Variants in DNAJC3 observed in about 807,000 individuals in gnomAD.
The protein encoded by DNAJC3 is DnaJ heat shock protein family (Hsp40) member C3.
In DNAJC3, 38 loss-of-function variants were observed where a neutral mutation model predicts 68.6. The observed-to-expected ratio is 0.55, with a 90% confidence interval of 0.43 to 0.73. The LOEUF is 0.73. Ranked by LOEUF, DNAJC3 falls within the 30% of genes least tolerant of loss-of-function variation. The pLI, the probability that DNAJC3 is intolerant of heterozygous loss-of-function variation, is 0.00. For synonymous variants in DNAJC3, 203 were observed against 204.0 expected (o/e 1.00, Z 0.04); for missense variants, 526 against 591.9 (o/e 0.89, Z 1.16).
chr13:95,752,842 A>G (rs1882522998), intron 4 of DNAJC3, among the ~76,000 whole-genome samples: 1 of 152,150 alleles, frequency 6.6e-6, no homozygotes, highest in Admixed American at 6.5e-5. Context: ...TACTACTTTA[A>G]GGTTATGGGT....
intron 1 of DNAJC3, among the ~76,000 whole-genome samples, chr13:95,691,048 G>A (rs1377113605): frequency 2.2e-5 from 3 of 136,026 alleles, no homozygotes; most frequent in Admixed American, 7.4e-5. Flanking sequence ...TGGATGGAGC[G>A]GCTGGCCGGG....
chr13:95,747,440 G>T (rs979962941), intron 4 of DNAJC3, among the ~76,000 whole-genome samples: 1 of 152,128 alleles, frequency 6.6e-6, no homozygotes, highest in African/African-American at 2.4e-5. Flanking sequence ...GACCATCCAG[G>T]GCAAAGGTGA....
At chr13:95,770,203 CTG>C (rs745481466) in intron 9 of DNAJC3, among the ~76,000 whole-genome samples, 20 of 151,784 alleles carry the variant, frequency 1.3e-4, no homozygotes, top group African/African-American at 1.9e-4. Context: ...ATTGACAAGA[CTG>C]TAATTTCCTA....
At chr13:95,790,769 G>C in intron 11 of DNAJC3, 104 bp from the exon 12 acceptor site, 1 of 1,313,914 alleles carries the variant, frequency 7.6e-7, no homozygotes, top group South Asian at 1.4e-5. Context: ...CGAAAAGTAA[G>C]TAGCTCCTCA....
chr13:95,746,588 C>T (rs1882314114), intron 4 of DNAJC3, among the ~76,000 whole-genome samples: 1 of 152,104 alleles, frequency 6.6e-6, no homozygotes, highest in Non-Finnish European at 1.5e-5. Context: ...TTACCAATTA[C>T]AGGATTCTTA....
chr13:95,767,893 T>C (rs1485001533), intron 9 of DNAJC3, among the ~76,000 whole-genome samples: 13 of 150,926 alleles, frequency 8.6e-5, no homozygotes, highest in Non-Finnish European at 1.3e-4. Context: ...TTAGTAGAGA[T>C]AGGGTTTCAC....
chr13:95,708,112 C>G (rs1001812733), intron 1 of DNAJC3, among the ~76,000 whole-genome samples: 5 of 152,098 alleles, frequency 3.3e-5, no homozygotes, highest in Non-Finnish European at 7.4e-5. Flanking sequence ...GAAGTCCACC[C>G]CATGACAGAC....
At chr13:95,777,693 G>A (rs1197035147) in intron 9 of DNAJC3, among the ~76,000 whole-genome samples, 1 of 152,022 alleles carries the variant, frequency 6.6e-6, no homozygotes, top group Non-Finnish European at 1.5e-5. Flanking sequence ...TGACAGAATT[G>A]AAGCAAAAAA....
rs1483766249 is a variant in DNAJC3, at chr13:95,787,593, CCTG to C, written c.1357+441_1357+443del. ...AGAAGAACAGCTGTCTGGCCTAGGG[CCTG>C]CTTTGCCCCATATGTGTTCACCAGG... On this transcript the variant is annotated intron_variant, in intron 11 of 11. Transcript: ENST00000602402. Among the ~76,000 whole-genome samples the C allele has an allele frequency of 3.9e-5, 6 of 151,950 alleles. No homozygotes were observed. The East Asian group carries it at 1.2e-3, about 29-fold the overall frequency.
intron 4 of DNAJC3, among the ~76,000 whole-genome samples, chr13:95,729,189 CTCTCTCTCTCTCTT>C (rs1273054773): frequency 1.3e-5 from 2 of 150,718 alleles, no homozygotes; most frequent in African/African-American, 2.4e-5. Flanking sequence ...CATTCTCTCT[CTCTCTCTCTCTCTT>C]TCTCTCTCTC....
chr13:95,723,436 G>T, intron 3 of DNAJC3, 70 bp downstream of exon 3: 1 of 1,526,078 alleles, frequency 6.6e-7, no homozygotes, highest in African/African-American at 1.4e-5. Context: ...TGTTTCATAA[G>T]GTGAGGACTG....
intron 4 of DNAJC3, among the ~76,000 whole-genome samples, chr13:95,736,315 G>C (rs1347656756): frequency 6.6e-6 from 1 of 151,638 alleles, no homozygotes; most frequent in African/African-American, 2.4e-5. Context: ...GCTCTTTTTT[G>C]GTTCCATATG....
chr13:95,681,640 C>A (rs2139595709), intron 1 of DNAJC3, among the ~76,000 whole-genome samples: 1 of 152,348 alleles, frequency 6.6e-6, no homozygotes, highest in South Asian at 2.1e-4. Context: ...AGGCACGAGC[C>A]AATGCACCTG....
At chr13:95,692,498 T>C (rs866653515) in intron 1 of DNAJC3, 1 of 152,120 alleles carries the variant, frequency 6.6e-6, no homozygotes, top group South Asian at 2.1e-4. Flanking sequence ...ATATTCTTGT[T>C]GTATTGAATC....
chr13:95,762,274 T>C (rs187020949), intron 7 of DNAJC3, among the ~76,000 whole-genome samples: 131 of 150,692 alleles, frequency 8.7e-4, no homozygotes, highest in Admixed American at 2.4e-3. Context: ...AAAAAAAATG[T>C]TTTCTGTTTG....
At chr13:95,728,587 T>A (rs1193019139) in intron 4 of DNAJC3, among the ~76,000 whole-genome samples, 1 of 152,226 alleles carries the variant, frequency 6.6e-6, no homozygotes, top group Non-Finnish European at 1.5e-5. Context: ...GGATATGTAG[T>A]TTACAAATAT....
chr13:95,758,092 AT>A (rs1427629423), intron 5 of DNAJC3, among the ~76,000 whole-genome samples: 1 of 152,202 alleles, frequency 6.6e-6, no homozygotes, highest in Non-Finnish European at 1.5e-5. Context: ...CGGTTAGATA[AT>A]GGGATAAAAG....
intron 1 of DNAJC3, among the ~76,000 whole-genome samples, chr13:95,683,245 T>C (rs1879972805): frequency 1.3e-5 from 2 of 152,186 alleles, no homozygotes; most frequent in Admixed American, 6.5e-5. Flanking sequence ...AGATTCAAGA[T>C]ATACATGTGC....
At chr13:95,720,980 G>T (rs1032102900) in intron 2 of DNAJC3, among the ~76,000 whole-genome samples, 3 of 151,762 alleles carry the variant, frequency 2.0e-5, no homozygotes, top group Admixed American at 6.6e-5. Context: ...ACATTGTTGT[G>T]CAGTCATCAC....
Sources: allele counts gnomAD v4.1 joint callset (sites outside exome capture counted in the v4.1 genomes callset), GRCh38; gene constraint gnomAD v4.1.1; transcripts MANE v1.5; gene names NCBI Gene and HGNC (gene_info 2026-07-23, HGNC 2026-07-21).